Variants in PRKN observed in about 807,000 individuals in gnomAD.
PRKN encodes the protein parkin RBR E3 ubiquitin protein ligase.
A neutral mutation model predicts 59.5 loss-of-function variants in PRKN; 56 were observed. The ratio of observed to expected loss-of-function variants is 0.94; its 90% confidence interval spans 0.76 to 1.18. PRKN has a LOEUF of 1.18. PRKN is among the 50% of genes most tolerant of loss of function. The pLI is 0.00. For missense variants in PRKN, 657 were observed against 596.4 expected (o/e 1.10, Z -1.06); for synonymous variants, 250 against 222.1 (o/e 1.13, Z -1.12).
intron 5 of PRKN, among the ~76,000 whole-genome samples, chr6:162,039,087 C>T (rs377764009): frequency 2.6e-5 from 4 of 151,556 alleles, no homozygotes; most frequent in African/African-American, 4.9e-5. Flanking sequence ...ACCCAGGAGG[C>T]GCAGCTTGCA....
chr6:161,680,449 C>A (rs908989764), intron 7 of PRKN, among the ~76,000 whole-genome samples: 1 of 151,978 alleles, frequency 6.6e-6, no homozygotes, highest in African/African-American at 2.4e-5. Context: ...CGTCCTCGAG[C>A]GTCCATTTGA....
At chr6:162,683,702 C>T (rs768125274) in intron 1 of PRKN, among the ~76,000 whole-genome samples, 2 of 152,074 alleles carry the variant, frequency 1.3e-5, no homozygotes, top group African/African-American at 4.8e-5. Flanking sequence ...AACATGCAGC[C>T]TTCCTACAGA....
chr6:162,407,949 A>AC (rs1005590257), intron 2 of PRKN, among the ~76,000 whole-genome samples: 2 of 152,096 alleles, frequency 1.3e-5, no homozygotes, highest in South Asian at 4.1e-4. Flanking sequence ...ATTTAAAAAA[A>AC]AAAAGTGATA....
chr6:162,086,339 T>C (rs1583011129), intron 4 of PRKN, among the ~76,000 whole-genome samples: 1 of 152,028 alleles, frequency 6.6e-6, no homozygotes, highest in African/African-American at 2.4e-5. Flanking sequence ...CAAAGAAGAC[T>C]AGGAATATAA....
intron 2 of PRKN, among the ~76,000 whole-genome samples, chr6:162,385,435 A>T (rs1349924134): frequency 6.6e-6 from 1 of 152,212 alleles, no homozygotes; most frequent in Non-Finnish European, 1.5e-5. Context: ...AACCAACCTG[A>T]TAATATCATT....
chr6:161,971,176 T>C (rs1391922992), intron 6 of PRKN, among the ~76,000 whole-genome samples: 1 of 152,198 alleles, frequency 6.6e-6, no homozygotes, highest in Non-Finnish European at 1.5e-5. Flanking sequence ...ATATTATTTT[T>C]CCAGCAATTA....
rs34217261 is a variant in PRKN, at chr6:161,490,386, C to CTTTTT, written c.1083+58463_1083+58467dup. On this transcript the variant is annotated intron_variant, in intron 9 of 11. Transcript: ENST00000366898. ...CTCTCTCTCTCTCTTTCTTTCTTTC[C>CTTTTT]TTTTTTTTTTTTTTTTGAGACAGAG... Among the ~76,000 whole-genome samples, 537 of 112,286 alleles carry CTTTTT rather than the reference C, an allele frequency of 4.8e-3. 31 individuals are homozygous for CTTTTT. The highest frequency in any genetic ancestry group is 0.012 in the African/African-American group (347 of 28,464). 73.7% of individuals were successfully genotyped at this position (112,286 alleles called of 152,430 possible). A position where few individuals can be genotyped will look rare whatever the true frequency, so the allele number is the denominator to read the frequency against.
intron 1 of PRKN, among the ~76,000 whole-genome samples, chr6:162,626,542 A>G (rs1782903836): frequency 6.6e-6 from 1 of 152,180 alleles, no homozygotes; most frequent in African/African-American, 2.4e-5. Context: ...CAGGCCGGGT[A>G]TGGTGGCTCA....
intron 2 of PRKN, among the ~76,000 whole-genome samples, chr6:162,324,717 C>G (rs974848962): frequency 4.0e-5 from 6 of 151,832 alleles, no homozygotes; most frequent in Admixed American, 3.3e-4. Flanking sequence ...TTAAAATGGC[C>G]TCTATTTCAC....
chr6:161,370,622 C>A (rs558972402), intron 10 of PRKN, among the ~76,000 whole-genome samples: 2 of 127,398 alleles, frequency 1.6e-5, no homozygotes, highest in Admixed American at 1.5e-4. Context: ...GCCGAATTAG[C>A]GCCTAGGAGA....
chr6:162,550,650 T>C (rs1183603795), intron 1 of PRKN, among the ~76,000 whole-genome samples: 1 of 152,200 alleles, frequency 6.6e-6, no homozygotes, highest in African/African-American at 2.4e-5. Flanking sequence ...GAGTTGGTTC[T>C]AGAGTCTATT....
At chr6:162,350,889 G>A (rs1784595264) in intron 2 of PRKN, among the ~76,000 whole-genome samples, 1 of 152,062 alleles carries the variant, frequency 6.6e-6, no homozygotes, top group Non-Finnish European at 1.5e-5. Context: ...GACAAGTCAC[G>A]AACTTGGATA....
intron 9 of PRKN, among the ~76,000 whole-genome samples, chr6:161,508,259 T>A (rs7770358): frequency 0.081 from 12,312 of 152,192 alleles, 730 homozygotes; most frequent in African/African-American, 0.16. Context: ...TGCTTTTGAA[T>A]TCACTAAAAT....
chr6:161,653,937 A>T (rs1158796715), intron 7 of PRKN, among the ~76,000 whole-genome samples: 5 of 152,258 alleles, frequency 3.3e-5, no homozygotes, highest in African/African-American at 1.2e-4. Context: ...CTAGCACAAA[A>T]CAGAACTCTA....
intron 1 of PRKN, among the ~76,000 whole-genome samples, chr6:162,552,893 C>T (rs903114831): frequency 6.6e-6 from 1 of 152,082 alleles, no homozygotes; most frequent in African/African-American, 2.4e-5. Flanking sequence ...GGAGAAAAAC[C>T]AGGTCTCAGA....
chr6:162,346,803 G>T (rs1784422478), intron 2 of PRKN, among the ~76,000 whole-genome samples: 1 of 152,006 alleles, frequency 6.6e-6, no homozygotes, highest in African/African-American at 2.4e-5. Flanking sequence ...TACATAACAT[G>T]ACTATTTCAT....
intron 4 of PRKN, among the ~76,000 whole-genome samples, chr6:162,191,910 G>C (rs1266040163): frequency 6.6e-6 from 1 of 152,064 alleles, no homozygotes; most frequent in Non-Finnish European, 1.5e-5. Context: ...ATGTCCTGAT[G>C]GGTTTATCTG....
intron 5 of PRKN, among the ~76,000 whole-genome samples, chr6:162,000,612 T>C (rs969976965): frequency 6.6e-6 from 1 of 152,100 alleles, no homozygotes; most frequent in African/African-American, 2.4e-5. Context: ...TGTTTCATTC[T>C]CTTGACAGCT....
chr6:162,442,493 C>T (rs114043919), intron 2 of PRKN, among the ~76,000 whole-genome samples: 2,603 of 152,192 alleles, frequency 0.017, 52 homozygotes, highest in African/African-American at 0.048. Flanking sequence ...CAACAAAGGA[C>T]GGGTCTCTAG....
Sources: gnomAD v4.1 joint callset for allele counts (sites outside exome capture counted in the v4.1 genomes callset) on GRCh38, gnomAD v4.1.1 for gene constraint, MANE v1.5 for transcripts, NCBI Gene and HGNC (gene_info 2026-07-23, HGNC 2026-07-21) for gene names.